L3MBTL4: variants seen among roughly 807,000 people sequenced by gnomAD.
L3MBTL4 encodes the protein L3MBTL histone methyl-lysine binding protein 4.
L3MBTL4 carries 70 observed loss-of-function variants against 84.5 expected under a neutral mutation model. The ratio of observed to expected loss-of-function variants is 0.83; its 90% CI spans 0.68 to 1.01. The LOEUF (loss-of-function observed/expected upper bound fraction) is 1.01, where lower values mean the gene tolerates loss of function less well. Among genes scored for constraint, L3MBTL4 ranks in the 50% least tolerant of loss-of-function variants. L3MBTL4 has a pLI of 0.00. For synonymous variants in L3MBTL4, 274 were observed against 259.8 expected (o/e 1.05, Z -0.52); for missense variants, 715 against 754.8 (o/e 0.95, Z 0.62).
rs1248053285 is a variant in L3MBTL4, at chr18:6,027,268, G to A, written c.1444+53613C>T. Among the ~76,000 whole-genome samples, 4 of 152,064 alleles carry A rather than the reference G, an allele frequency of 2.6e-5. No individual in the cohort carries two copies. The East Asian group carries it at 7.7e-4, about 29-fold the overall frequency. ...TTCTCATTGTTCAACTCCCACCTATGAGTGAGAACATGCCATGTTTGGTTT... is the reference window on the plus strand; with the variant it reads ...TTCTCATTGTTCAACTCCCACCTATAAGTGAGAACATGCCATGTTTGGTTT... On this transcript the variant is annotated intron_variant, in intron 16 of 18. Transcript: ENST00000317931.
chr18:6,206,217 T>C (rs530702196), intron 12 of L3MBTL4, among the ~76,000 whole-genome samples: 1 of 152,318 alleles, frequency 6.6e-6, no homozygotes, highest in African/African-American at 2.4e-5. Context: ...TAATCCTGTA[T>C]TGGTGTACAC....
intron 16 of L3MBTL4, among the ~76,000 whole-genome samples, chr18:6,073,425 C>G (rs959537945): frequency 3.3e-5 from 5 of 151,952 alleles, no homozygotes; most frequent in African/African-American, 1.2e-4. Flanking sequence ...AATTAAAATT[C>G]TTTCAATAAA....
chr18:6,333,623 A>C (rs1015959656), intron 1 of L3MBTL4, among the ~76,000 whole-genome samples: 4 of 152,082 alleles, frequency 2.6e-5, no homozygotes, highest in African/African-American at 7.2e-5. Flanking sequence ...TAGCATGGAG[A>C]AGCAGGATGC....
chr18:6,347,250 T>C (rs1431415207), intron 1 of L3MBTL4, among the ~76,000 whole-genome samples: 4 of 152,064 alleles, frequency 2.6e-5, no homozygotes, highest in South Asian at 2.1e-4. Flanking sequence ...AAACCTACCA[T>C]ACAGTATAGT....
intron 16 of L3MBTL4, among the ~76,000 whole-genome samples, chr18:6,043,515 T>A (rs1265110233): frequency 6.6e-6 from 1 of 152,188 alleles, no homozygotes; most frequent in Non-Finnish European, 1.5e-5. Context: ...CTCCAGCAAT[T>A]TCATCTCAAT....
intron 16 of L3MBTL4, chr18:6,030,084 C>G: frequency 1.0e-6 from 1 of 983,228 alleles, no homozygotes; most frequent in Non-Finnish European, 1.2e-6. Context: ...TGCTAAAGGA[C>G]ACGAGGAAAC....
At chr18:6,403,472 A>G (rs1281471500) in intron 1 of L3MBTL4, among the ~76,000 whole-genome samples, 3 of 152,218 alleles carry the variant, frequency 2.0e-5, no homozygotes, top group Admixed American at 2.0e-4. Flanking sequence ...GATACAATCT[A>G]TATATTGGAT....
At chr18:6,147,988 T>C (rs2042726504) in intron 13 of L3MBTL4, among the ~76,000 whole-genome samples, 1 of 152,088 alleles carries the variant, frequency 6.6e-6, no homozygotes, top group African/African-American at 2.4e-5. Flanking sequence ...TAAATATGAG[T>C]ACAGTATCAG....
chr18:6,142,346 A>T (rs2060223452), intron 13 of L3MBTL4, among the ~76,000 whole-genome samples: 1 of 152,222 alleles, frequency 6.6e-6, no homozygotes, highest in Non-Finnish European at 1.5e-5. Context: ...CTTATATATA[A>T]ACAGCAAATT....
chr18:6,362,238 A>G (rs2053736723), intron 1 of L3MBTL4, among the ~76,000 whole-genome samples: 1 of 149,336 alleles, frequency 6.7e-6, no homozygotes, highest in East Asian at 2.0e-4. Context: ...AGGGGACTGA[A>G]AGGAAAGGAA....
chr18:6,320,616 T>C (rs1227743670), intron 1 of L3MBTL4, among the ~76,000 whole-genome samples: 1 of 151,968 alleles, frequency 6.6e-6, no homozygotes, highest in Non-Finnish European at 1.5e-5. Flanking sequence ...TGGAAATACA[T>C]CCCATGCTCA....
chr18:6,139,132 T>TA (rs1345878438), intron 13 of L3MBTL4, among the ~76,000 whole-genome samples: 1 of 152,142 alleles, frequency 6.6e-6, no homozygotes, highest in Non-Finnish European at 1.5e-5. Flanking sequence ...TGCTCTACTG[T>TA]ACCATATGCT....
intron 12 of L3MBTL4, among the ~76,000 whole-genome samples, chr18:6,205,120 A>T (rs527475026): frequency 1.3e-5 from 2 of 152,218 alleles, no homozygotes; most frequent in Non-Finnish European, 2.9e-5. Context: ...GAGACGAGGG[A>T]TCGTCCTGGA....
At chr18:6,266,920 C>T (rs2048660426) in intron 4 of L3MBTL4, among the ~76,000 whole-genome samples, 1 of 151,458 alleles carries the variant, frequency 6.6e-6, no homozygotes, top group South Asian at 2.1e-4. Context: ...GAAACTCCGT[C>T]TCAGAAAAAA....
At chr18:6,318,493 GTAA>G (rs2051226145) in intron 1 of L3MBTL4, among the ~76,000 whole-genome samples, 1 of 2,842 alleles carries the variant, frequency 3.5e-4, no homozygotes, top group African/African-American at 1.9e-3. Context: ...AACAACAATA[GTAA>G]AAAAAAAAAA....
intron 8 of L3MBTL4, 132 bp downstream of exon 8, chr18:6,241,226 T>G (rs1176934654): frequency 1.6e-6 from 1 of 628,604 alleles, no homozygotes; most frequent in Non-Finnish European, 2.8e-6. Context: ...ACGAATTAGG[T>G]GAGAAAAGTG....
intron 16 of L3MBTL4, chr18:6,046,712 C>T (rs1487832098): frequency 1.3e-6 from 1 of 767,354 alleles, no homozygotes; most frequent in Admixed American, 1.8e-5. Context: ...TAAATGAAAA[C>T]AGAGATACAA....
chr18:6,325,007 T>C (rs971455975), intron 1 of L3MBTL4, among the ~76,000 whole-genome samples: 2 of 152,114 alleles, frequency 1.3e-5, no homozygotes, highest in Non-Finnish European at 2.9e-5. Context: ...CTGTCACTAC[T>C]AGATGTTGGC....
intron 16 of L3MBTL4, among the ~76,000 whole-genome samples, chr18:6,072,855 G>C (rs1164640143): frequency 2.4e-5 from 1 of 41,118 alleles, no homozygotes; most frequent in African/African-American, 1.1e-4. Context: ...CAGAGAGAGA[G>C]ACTCCGTCTC....
Sources: allele counts gnomAD v4.1 joint callset (sites outside exome capture counted in the v4.1 genomes callset), GRCh38; gene constraint gnomAD v4.1.1; transcripts MANE v1.5; gene names NCBI Gene and HGNC (gene_info 2026-07-23, HGNC 2026-07-21).